Variants in AVL9 observed in about 807,000 individuals in gnomAD.
AVL9 encodes the protein AVL9 cell migration associated.
In AVL9, 49 loss-of-function variants were observed where a neutral mutation model predicts 79.2. The ratio of observed to expected loss-of-function variants is 0.62; its 90% CI spans 0.49 to 0.79. The LOEUF (loss-of-function observed/expected upper bound fraction) is 0.79, where lower values mean the gene tolerates loss of function less well. Ranked by LOEUF, AVL9 falls within the 30% of genes least tolerant of loss-of-function variation. AVL9 has a pLI of 0.00. For missense variants in AVL9, 682 were observed against 776.8 expected, an observed-to-expected ratio of 0.88 and a Z score of 1.45; for synonymous variants, 299 against 280.6, an observed-to-expected ratio of 1.07 and a Z score of -0.65.
At chr7:32,534,781 C>G (rs1020067556) in intron 1 of AVL9, 1 of 152,044 alleles carries the variant, frequency 6.6e-6, no homozygotes, top group African/African-American at 2.4e-5. Context: ...CTCATCTCTA[C>G]TGAAAAAAAT....
intron 1 of AVL9, among the ~76,000 whole-genome samples, chr7:32,511,705 G>GAA (rs1787681995): frequency 1.3e-5 from 2 of 152,056 alleles, no homozygotes; most frequent in East Asian, 3.9e-4. Flanking sequence ...AGTCAGCTGG[G>GAA]GGAAACAGGT....
chr7:32,517,276 G>A (rs2122631), intron 1 of AVL9, among the ~76,000 whole-genome samples: 31 of 151,494 alleles, frequency 2.0e-4, no homozygotes, highest in Middle Eastern at 3.4e-3. Flanking sequence ...TCAAGTTCAC[G>A]TGACAGTAAA....
At chr7:32,499,358 G>GT (rs10713441) in intron 1 of AVL9, among the ~76,000 whole-genome samples, 3 of 147,868 alleles carry the variant, frequency 2.0e-5, no homozygotes, top group African/African-American at 7.5e-5. Context: ...CATTAACTCT[G>GT]TTTTTTTTTT....
chr7:32,504,004 C>G (rs1204883375), intron 1 of AVL9, among the ~76,000 whole-genome samples: 1 of 152,166 alleles, frequency 6.6e-6, no homozygotes, highest in African/African-American at 2.4e-5. Flanking sequence ...CTTAATGAAA[C>G]CCACGTCTGC....
intron 10 of AVL9, among the ~76,000 whole-genome samples, chr7:32,566,723 A>AC (rs1790593075): frequency 2.5e-5 from 1 of 39,890 alleles, no homozygotes; most frequent in African/African-American, 4.8e-5. Context: ...CTAAAAATAC[A>AC]AAAAAAGAAA....
intron 1 of AVL9, 21 bp from the exon 2 acceptor site, chr7:32,543,120 T>C (rs745807117): frequency 6.2e-7 from 1 of 1,612,354 alleles, no homozygotes; most frequent in African/African-American, 1.3e-5. Context: ...ACCTTTTGGC[T>C]AACATTCCTT....
chr7:32,542,413 G>C (rs1483611269), intron 1 of AVL9, among the ~76,000 whole-genome samples: 1 of 149,202 alleles, frequency 6.7e-6, no homozygotes, highest in Non-Finnish European at 1.5e-5. Context: ...AAAATTAGCC[G>C]AGCGTGGTGG....
At position 32,588,027 on chromosome 7, in the gene AVL9, T is replaced by C. The variant is rs915782296; in HGVS notation, c.*4120T>C. 6.6e-6 allele frequency: 1 copy of C among 152,168 alleles called. No homozygotes were observed. Among genetic ancestry groups the C allele is most frequent in the South Asian group, 2.1e-4 (1 of 4,832 alleles). The allele number at this position is 152,168 out of a possible 1,614,324, so 9.4% of individuals were successfully genotyped here. A position where few individuals can be genotyped will look rare whatever the true frequency, so the allele number is the denominator to read the frequency against. On this transcript the variant is annotated 3_prime_UTR_variant, in exon 16 of 16. Coordinates refer to ENST00000318709, the MANE Select transcript of AVL9 (RefSeq NM_015060.3). ...TATATTTTGTAAAACTCTAAATACA[T>C]TTGTATTTCTGTGCTGTTCTAAAGT...
intron 1 of AVL9, among the ~76,000 whole-genome samples, chr7:32,520,939 C>T (rs1788115265): frequency 1.3e-5 from 2 of 152,130 alleles, no homozygotes; most frequent in Admixed American, 1.3e-4. Context: ...CCATGCTATT[C>T]TCGTGATAGT....
rs181776751 is a variant in AVL9, at chr7:32,552,142, A to G, written c.463-87A>G. On this transcript the variant is annotated intron_variant, in intron 5 of 15. Coordinates refer to ENST00000318709, the MANE Select transcript of AVL9 (RefSeq NM_015060.3). The stretch of plus-strand genomic sequence containing the variant: ...CTAGCAGAACAAACTACCTCAATTA[A>G]GGAATCAGCTTTTTTCTGATCAATA... 5.6e-5 allele frequency: 46 copies of G among 826,074 alleles called. No individual in the cohort carries two copies. In the East Asian group the frequency reaches 1.2e-3, roughly 21 times the overall value. The allele number at this position is 826,074 out of a possible 1,614,324, so 51.2% of individuals were successfully genotyped here.
chr7:32,573,625 G>C (rs1790957516), intron 12 of AVL9, among the ~76,000 whole-genome samples: 1 of 152,018 alleles, frequency 6.6e-6, no homozygotes, highest in Non-Finnish European at 1.5e-5. Flanking sequence ...TTGGATTTTG[G>C]TTTTATGGTA....
intron 10 of AVL9, 94 bp from the exon 11 acceptor site, chr7:32,569,926 G>T (rs1391945115): frequency 4.1e-6 from 5 of 1,220,502 alleles, no homozygotes; most frequent in Non-Finnish European, 5.9e-6. Context: ...AAGGAAGAAT[G>T]GAAGTTTCTT....
chr7:32,548,139 C>T (rs183216240), intron 3 of AVL9, among the ~76,000 whole-genome samples: 1 of 76,696 alleles, frequency 1.3e-5, no homozygotes, highest in East Asian at 4.1e-4. Flanking sequence ...CTGTTTTTGT[C>T]ATCTCTTTTT....
Position 32,580,138 on chromosome 7 carries a change from T to C in AVL9, c.1689-81T>C, listed in dbSNP as rs565503355. 8.6e-4 allele frequency: 962 copies of C among 1,118,098 alleles called. 1 individual carries two copies. The highest frequency in any genetic ancestry group is 1.2e-3 in the Non-Finnish European group (892 of 744,146). 69.3% of individuals were successfully genotyped at this position (1,118,098 alleles called of 1,614,324 possible). On this transcript the variant is annotated intron_variant, in intron 13 of 15. Transcript: ENST00000318709. ...CCAGCTGTGTTGTCCATGAGAAGTT[T>C]ACTAATATTTTCTTGTGATAACTCT...
At chr7:32,544,258 C>T (rs559094294) in intron 2 of AVL9, among the ~76,000 whole-genome samples, 2 of 152,244 alleles carry the variant, frequency 1.3e-5, no homozygotes, top group South Asian at 4.1e-4. Context: ...CTTCCAGTAC[C>T]ATTATCACAG....
rs1351189906 is a variant in AVL9, at chr7:32,584,132, C to T, written c.*225C>T. The T allele has an allele frequency of 7.2e-5, 41 of 571,032 alleles. No individual in the cohort carries two copies. Among genetic ancestry groups the T allele is most frequent in the Admixed American group, 3.0e-5 (1 of 33,766 alleles). The allele number at this position is 571,032 out of a possible 1,614,324, so 35.4% of individuals were successfully genotyped here. On this transcript the variant is annotated 3_prime_UTR_variant, in exon 16 of 16. Transcript: ENST00000318709. The stretch of plus-strand genomic sequence containing the variant: ...GGGTTTCAATTGACTACTTTTATTT[C>T]AGTCTGAGCCTGATTAAAACATACA...
chr7:32,553,749 C>T lies in AVL9; in HGVS notation c.552C>T (p.Val184=). The T allele has an allele frequency of 6.2e-7, 1 of 1,610,032 alleles. No individual in the cohort carries two copies. The highest frequency in any genetic ancestry group is 8.5e-7 in the Non-Finnish European group (1 of 1,177,164). Residue 184 remains valine (V), a synonymous_variant, in exon 7 of 16, where the codon GTC becomes GTT. Transcript: ENST00000318709. ...VYLGLSPRDL[V]LHFRHKVLIL... Reference sequence around the variant, plus strand: ...TAGGTCTGTCACCTCGAGATCTTGTCCTTCATTTTCGACACAAGGTATGGT... The same window carrying T: ...TAGGTCTGTCACCTCGAGATCTTGTTCTTCATTTTCGACACAAGGTATGGT...
At chr7:32,558,503 T>C (rs1790183311) in intron 8 of AVL9, 56 bp from the exon 9 acceptor site, 1 of 1,305,358 alleles carries the variant, frequency 7.7e-7, no homozygotes, top group Middle Eastern at 2.1e-4. Context: ...TTATTTGTTA[T>C]CATTATGGAC....
At chr7:32,512,789 A>G (rs9638880) in intron 1 of AVL9, among the ~76,000 whole-genome samples, 53,269 of 151,788 alleles carry the variant, frequency 0.35, 9,663 homozygotes, top group East Asian at 0.48. Flanking sequence ...CTAAAATAAA[A>G]CTCCCTCCCC....
Sources: gnomAD v4.1 joint callset for allele counts (sites outside exome capture counted in the v4.1 genomes callset) on GRCh38, gnomAD v4.1.1 for gene constraint, MANE v1.5 for transcripts, NCBI Gene and HGNC (gene_info 2026-07-23, HGNC 2026-07-21) for gene names.